Variants in MED1 observed in about 807,000 individuals in gnomAD.
The protein encoded by MED1 is mediator of RNA polymerase II transcription subunit 1.
A neutral mutation model predicts 121.3 loss-of-function variants in MED1; 17 were observed. The ratio of observed to expected loss-of-function variants is 0.14; its 90% confidence interval spans 0.10 to 0.21. MED1 has a LOEUF of 0.21. MED1 is among the 10% of genes least tolerant of loss of function. The pLI, the probability that MED1 is intolerant of heterozygous loss-of-function variation, is 1.00. For missense variants in MED1, 1,558 were observed against 1,919.4 expected (o/e 0.81, Z 3.52); for synonymous variants, 661 against 694.4 (o/e 0.95, Z 0.76).
intron 13 of MED1, among the ~76,000 whole-genome samples, chr17:39,422,930 A>G (rs1360723168): frequency 6.9e-6 from 1 of 144,326 alleles, no homozygotes; most frequent in Non-Finnish European, 1.5e-5. Context: ...CAATGGCACA[A>G]TCTTGTCTCA....
Position 39,405,428 on chromosome 17 carries a change from C to A in MED1, c.*2047G>T. On this transcript the variant is annotated 3_prime_UTR_variant, in exon 17 of 17. Coordinates refer to ENST00000300651, the MANE Select transcript of MED1 (RefSeq NM_004774.4). ...CAGTACATTCCCCCTAAGATTCTCC[C>A]CACTCAGAACAAATTTTAAAAACCA... 7.2e-7 allele frequency: 1 copy of A among 1,394,882 alleles called. No homozygotes were observed. 86.4% of individuals were successfully genotyped at this position (1,394,882 alleles called of 1,614,324 possible). A position where few individuals can be genotyped will look rare whatever the true frequency, so the allele number is the denominator to read the frequency against.
At chr17:39,428,101 G>T (rs1203011239) in intron 9 of MED1, among the ~76,000 whole-genome samples, 1 of 152,016 alleles carries the variant, frequency 6.6e-6, no homozygotes, top group African/African-American at 2.4e-5. Flanking sequence ...TGTAATCCTA[G>T]CACTTTGGGA....
At chr17:39,427,033 G>A (rs187051314) in intron 10 of MED1, among the ~76,000 whole-genome samples, 71 of 151,870 alleles carry the variant, frequency 4.7e-4, no homozygotes, top group African/African-American at 1.5e-3. Context: ...CAATCCTCCC[G>A]CCCAAACCTC....
intron 2 of MED1, among the ~76,000 whole-genome samples, chr17:39,444,219 A>T (rs1371350887): frequency 1.3e-5 from 2 of 152,034 alleles, no homozygotes; most frequent in Non-Finnish European, 2.9e-5. Context: ...TAAAAAACAG[A>T]ACATATAGGC....
rs1439090754 is a variant in MED1, at chr17:39,447,841, T to C, written c.89A>G (p.Asn30Ser). The change falls in exon 2 of 17, where the codon AAT (asparagine) becomes AGT (serine). Residue 30 changes from asparagine (N) to serine (S), a missense_variant. Transcript: ENST00000300651. ...CTTAATGGTTTCACTCCAGGGTCTATTTTGGTTAAATTTTGCATGGAGCCG... is the reference window on the plus strand; with the variant it reads ...CTTAATGGTTTCACTCCAGGGTCTACTTTGGTTAAATTTTGCATGGAGCCG... ...LERLHAKFNQ[N>S]RPWSETIKLV... 2 of 1,613,870 alleles carry C rather than the reference T, an allele frequency of 1.2e-6. No individual in the cohort carries two copies. Among genetic ancestry groups the C allele is most frequent in the South Asian group, 1.1e-5 (1 of 91,070 alleles).
rs2048295518 is a variant in MED1 at position 39,405,409 on chromosome 17, A to G, written c.*2066T>C. 1 of 1,470,270 alleles carries G rather than the reference A, an allele frequency of 6.8e-7. No individual in the cohort carries two copies. The highest frequency in any genetic ancestry group is 1.8e-4 in the Middle Eastern group (1 of 5,632). 91.1% of individuals were successfully genotyped at this position (1,470,270 alleles called of 1,614,324 possible). A position where few individuals can be genotyped will look rare whatever the true frequency, so the allele number is the denominator to read the frequency against. On this transcript the variant is annotated 3_prime_UTR_variant, in exon 17 of 17. Coordinates refer to ENST00000300651, the MANE Select transcript of MED1 (RefSeq NM_004774.4). The stretch of plus-strand genomic sequence containing the variant: ...CTGAGCCCATGATACTATTCAGTAC[A>G]TTCCCCCTAAGATTCTCCCCACTCA...
intron 6 of MED1, among the ~76,000 whole-genome samples, chr17:39,438,376 C>T (rs761667346): frequency 2.7e-4 from 36 of 132,988 alleles, no homozygotes; most frequent in Non-Finnish European, 5.1e-4. Context: ...CGGCGTCTTG[C>T]TCTGTCGCCC....
chr17:39,418,835 T>G (rs2048434946), intron 14 of MED1, among the ~76,000 whole-genome samples: 1 of 150,420 alleles, frequency 6.6e-6, no homozygotes, highest in Non-Finnish European at 1.5e-5. Flanking sequence ...TCACCCACAC[T>G]GGAGTACAGT....
chr17:39,433,477 C>T (rs913241013), intron 7 of MED1, among the ~76,000 whole-genome samples: 3 of 151,294 alleles, frequency 2.0e-5, no homozygotes, highest in African/African-American at 4.9e-5. Context: ...AGGAGTGAGC[C>T]ACTGTGCCCA....
In MED1 at chr17:39,405,317, A is replaced by C; in HGVS notation, c.*2158T>G. ...ACTCGGGATTCTTTGATCTGGGATGAAGACAGAAAGAGAGAAAAGCTTCCC... is the reference window on the plus strand; with the variant it reads ...ACTCGGGATTCTTTGATCTGGGATGCAGACAGAAAGAGAGAAAAGCTTCCC... On this transcript the variant is annotated 3_prime_UTR_variant, in exon 17 of 17. Transcript: ENST00000300651. The C allele has an allele frequency of 6.2e-7, 1 of 1,601,770 alleles. No homozygotes were observed. The highest frequency in any genetic ancestry group is 8.5e-7 in the Non-Finnish European group (1 of 1,174,552).
At position 39,407,227 on chromosome 17, in the gene MED1, A is replaced by G; in HGVS notation, c.*248T>C. On this transcript the variant is annotated 3_prime_UTR_variant, in exon 17 of 17. Transcript: ENST00000300651. The stretch of plus-strand genomic sequence containing the variant: ...TCCCACCCCCCTCCCTTTCTTAAGC[A>G]AGTATTTTAACTTTCTTTCTGGCAC... 3 of 534,318 alleles carry G rather than the reference A, an allele frequency of 5.6e-6. No homozygotes were observed. The highest frequency in any genetic ancestry group is 6.7e-6 in the Non-Finnish European group (3 of 447,726). 33.1% of individuals were successfully genotyped at this position (534,318 alleles called of 1,614,324 possible).
intron 13 of MED1, among the ~76,000 whole-genome samples, chr17:39,422,863 CTTTTTT>C (rs372712559): frequency 2.0e-5 from 2 of 98,918 alleles, no homozygotes; most frequent in Non-Finnish European, 3.9e-5. Flanking sequence ...TCCGAGATTT[CTTTTTT>C]TTTTTTTTTT....
intron 3 of MED1, among the ~76,000 whole-genome samples, chr17:39,443,188 G>T (rs867037557): frequency 2.4e-4 from 36 of 151,414 alleles, no homozygotes; most frequent in Middle Eastern, 6.8e-3. Context: ...TTTTAGTAGA[G>T]ACAGGGTTTC....
At chr17:39,451,013 C>T in intron 1 of MED1, 25 bp downstream of exon 1, 1 of 1,603,496 alleles carries the variant, frequency 6.2e-7, no homozygotes, top group Non-Finnish European at 8.5e-7. Context: ...TGTCCCGCCC[C>T]CTCCTTTCCC....
intron 14 of MED1, among the ~76,000 whole-genome samples, chr17:39,418,288 C>T (rs768774108): frequency 3.3e-5 from 5 of 151,866 alleles, no homozygotes. Flanking sequence ...CCTATTATCC[C>T]AGCACCTTGG....
intron 14 of MED1, among the ~76,000 whole-genome samples, chr17:39,417,295 A>G (rs2048419102): frequency 6.7e-6 from 1 of 149,308 alleles, no homozygotes; most frequent in African/African-American, 2.5e-5. Context: ...ACACCACTGC[A>G]CTCCAGCCTG....
chr17:39,437,313 A>G (rs1448585383), intron 6 of MED1, among the ~76,000 whole-genome samples: 1 of 152,126 alleles, frequency 6.6e-6, no homozygotes, highest in Non-Finnish European at 1.5e-5. Flanking sequence ...CTTGGCCTCA[A>G]GTGATCTGCT....
At chr17:39,413,770 G>A (rs2048377674) in intron 16 of MED1, among the ~76,000 whole-genome samples, 1 of 151,722 alleles carries the variant, frequency 6.6e-6, no homozygotes, top group Non-Finnish European at 1.5e-5. Context: ...AGATAAAAAT[G>A]TCACATCTAT....
At chr17:39,446,592 G>A (rs2048729860) in intron 2 of MED1, among the ~76,000 whole-genome samples, 2 of 151,578 alleles carry the variant, frequency 1.3e-5, no homozygotes, top group South Asian at 4.2e-4. Flanking sequence ...TGACCAACAT[G>A]GTGAAACCCC....
Sources: gnomAD v4.1 joint callset for allele counts (sites outside exome capture counted in the v4.1 genomes callset) on GRCh38, gnomAD v4.1.1 for gene constraint, MANE v1.5 for transcripts, NCBI Gene and HGNC (gene_info 2026-07-23, HGNC 2026-07-21) for gene names.